Variants in AAK1 observed in about 807,000 individuals in gnomAD.
AAK1 encodes AP2-associated protein kinase 1.
AAK1 carries 37 observed loss-of-function variants against 116.0 expected under a neutral mutation model. The ratio of observed to expected loss-of-function variants is 0.32; its 90% CI spans 0.25 to 0.42. The LOEUF is 0.42. Ranked by LOEUF, AAK1 falls within the 10% of genes least tolerant of loss-of-function variation. AAK1 has a pLI of 1.00. For synonymous variants in AAK1, 458 were observed against 439.9 expected (o/e 1.04, Z -0.51); for missense variants, 919 against 1,170.6 (o/e 0.79, Z 3.14).
chr2:69,481,011 A>C, intron 18 of AAK1, 50 bp from the exon 19 acceptor site: 4 of 1,414,156 alleles, frequency 2.8e-6, no homozygotes, highest in Non-Finnish European at 3.8e-6. Flanking sequence ...AAAGGGAGTC[A>C]GAAGTTTCTT....
chr2:69,535,800 A>T (rs79519640), intron 5 of AAK1, among the ~76,000 whole-genome samples: 116 of 152,304 alleles, frequency 7.6e-4, no homozygotes, highest in African/African-American at 2.7e-3. Flanking sequence ...GAAAGCTGAA[A>T]ACATGGGAAA....
chr2:69,491,520 C>T (rs1432820016), intron 17 of AAK1, among the ~76,000 whole-genome samples: 1 of 152,162 alleles, frequency 6.6e-6, no homozygotes, highest in Admixed American at 6.5e-5. Flanking sequence ...TTATCCAGTG[C>T]CCTTTACCCA....
intron 14 of AAK1, among the ~76,000 whole-genome samples, 189 bp from the exon 15 acceptor site, chr2:69,507,767 C>A (rs139345198): frequency 2.7e-4 from 41 of 150,272 alleles, no homozygotes; most frequent in Non-Finnish European, 4.9e-4. Context: ...AGCACAATGG[C>A]GTGATCTCGA....
In AAK1 at chr2:69,469,752, G is replaced by T; in HGVS notation, c.*6117C>A. 6.1e-6 allele frequency: 6 copies of T among 985,310 alleles called. No homozygotes were observed. Among genetic ancestry groups the T allele is most frequent in the Non-Finnish European group, 7.2e-6 (6 of 829,914 alleles). The allele number at this position is 985,310 out of a possible 1,614,324, so 61.0% of individuals were successfully genotyped here. On this transcript the variant is annotated 3_prime_UTR_variant, in exon 22 of 22. Transcript: ENST00000409085. ...CTGGATCATGCCTCTTTTTATTTTG[G>T]TTTCACACATAAAATTAAGCAAGAA...
Position 69,509,216 on chromosome 2 carries a change from GGAAGCACCACA to G in AAK1, c.2006+4_2006+14del. 1 of 1,612,110 alleles carries G rather than the reference GGAAGCACCACA, an allele frequency of 6.2e-7. No individual in the cohort carries two copies. Among genetic ancestry groups the G allele is most frequent in the Non-Finnish European group, 8.5e-7 (1 of 1,178,250 alleles). Reference sequence around the variant, plus strand: ...CCCACAGAGGTAAGAACAACAAAGAGGAAGCACCACATACTTGGACTTATTGAGACTGGCCT... The same window carrying G: ...CCCACAGAGGTAAGAACAACAAAGAGTACTTGGACTTATTGAGACTGGCCT... On this transcript the variant is annotated splice_donor_5th_base_variant and intron_variant, in intron 14 of 21. Transcript: ENST00000409085.
chr2:69,508,208 A>G (rs772376966), intron 14 of AAK1, among the ~76,000 whole-genome samples: 9 of 152,200 alleles, frequency 5.9e-5, no homozygotes, highest in Non-Finnish European at 1.3e-4. Context: ...AGACTTGTGT[A>G]TCTTGTGGTG....
chr2:69,629,064 G>A (rs1175136730), intron 2 of AAK1, among the ~76,000 whole-genome samples: 5 of 152,074 alleles, frequency 3.3e-5, no homozygotes, highest in African/African-American at 9.7e-5. Flanking sequence ...TCCACACTCC[G>A]ACCTCTTAAG....
chr2:69,473,388 C>T lies in AAK1; in HGVS notation c.*2481G>A, dbSNP rs1674745016. ...AAACTCTTTCAGCTCAGGGATGATG[C>T]TCTAAACCAAGGAAGGCTCCGTTTA... is the stretch of plus-strand genomic sequence containing the variant. On this transcript the variant is annotated 3_prime_UTR_variant, in exon 22 of 22. Transcript: ENST00000409085. 1.0e-6 allele frequency: 1 copy of T among 985,376 alleles called. No individual in the cohort carries two copies. The highest frequency in any genetic ancestry group is 1.7e-5 in the African/African-American group (1 of 57,250). 61.0% of individuals were successfully genotyped at this position (985,376 alleles called of 1,614,324 possible).
intron 2 of AAK1, among the ~76,000 whole-genome samples, chr2:69,613,646 A>T (rs886876233): frequency 7.2e-5 from 11 of 152,212 alleles, no homozygotes; most frequent in Non-Finnish European, 1.6e-4. Context: ...AAAACCCTAA[A>T]TAAAGGGGTT....
chr2:69,470,731 C>T lies in AAK1; in HGVS notation c.*5138G>A. On this transcript the variant is annotated 3_prime_UTR_variant, in exon 22 of 22. Coordinates refer to ENST00000409085, the MANE Select transcript of AAK1 (RefSeq NM_014911.5). ...CGTCTTATTCTCCTTGAGACTAAAA[C>T]AGGGGTTTTACTCTCTCAGGTAGCC... The T allele has an allele frequency of 1.1e-5, 11 of 985,588 alleles. No individual in the cohort carries two copies. Among genetic ancestry groups the T allele is most frequent in the Non-Finnish European group, 1.2e-5 (10 of 829,928 alleles). 61.1% of individuals were successfully genotyped at this position (985,588 alleles called of 1,614,324 possible).
intron 16 of AAK1, among the ~76,000 whole-genome samples, chr2:69,502,563 G>A (rs910096750): frequency 1.3e-5 from 2 of 152,194 alleles, no homozygotes; most frequent in African/African-American, 4.8e-5. Flanking sequence ...AGAGGTTGCG[G>A]TGAGCCAAGA....
chr2:69,549,440 C>G (rs1310858876), intron 3 of AAK1, among the ~76,000 whole-genome samples: 1 of 152,146 alleles, frequency 6.6e-6, no homozygotes, highest in Non-Finnish European at 1.5e-5. Flanking sequence ...GTGTTCTTTT[C>G]TCCATGTGAA....
chr2:69,466,406 C>G lies in AAK1; in HGVS notation c.*9463G>C. On this transcript the variant is annotated 3_prime_UTR_variant, in exon 22 of 22. Transcript: ENST00000409085. ...TGTTGCTTGAAGGGCCATCTCTGGCCAAGTAGTCAGATTCTAAGTTGTTCT... is the reference window on the plus strand; with the variant it reads ...TGTTGCTTGAAGGGCCATCTCTGGCGAAGTAGTCAGATTCTAAGTTGTTCT... 3 of 1,289,808 alleles carry G rather than the reference C, an allele frequency of 2.3e-6. No individual in the cohort carries two copies. The highest frequency in any genetic ancestry group is 3.0e-6 in the Non-Finnish European group (3 of 988,860). 79.9% of individuals were successfully genotyped at this position (1,289,808 alleles called of 1,614,324 possible).
At chr2:69,563,051 G>A (rs975345045) in intron 2 of AAK1, among the ~76,000 whole-genome samples, 3 of 152,172 alleles carry the variant, frequency 2.0e-5, no homozygotes, top group African/African-American at 7.2e-5. Flanking sequence ...GCAACAGAGC[G>A]AGACCCTCCC....
chr2:69,552,549 T>C (rs1180547931), intron 3 of AAK1, among the ~76,000 whole-genome samples: 3 of 151,730 alleles, frequency 2.0e-5, no homozygotes, highest in African/African-American at 7.3e-5. Context: ...CCATCTCTAC[T>C]AAAAATACAA....
At chr2:69,490,681 T>C (rs1675486795) in intron 17 of AAK1, among the ~76,000 whole-genome samples, 1 of 151,992 alleles carries the variant, frequency 6.6e-6, no homozygotes, top group Non-Finnish European at 1.5e-5. Context: ...AGAGTTGTTG[T>C]TTAATGGGTA....
chr2:69,554,749 G>A (rs556172848), intron 3 of AAK1, among the ~76,000 whole-genome samples: 10 of 152,346 alleles, frequency 6.6e-5, no homozygotes, highest in Admixed American at 6.5e-4. Context: ...TAATGGCATA[G>A]GAGTTCCCCT....
chr2:69,561,867 T>C (rs898090204), intron 2 of AAK1, among the ~76,000 whole-genome samples: 2 of 152,248 alleles, frequency 1.3e-5, no homozygotes, highest in Non-Finnish European at 1.5e-5. Context: ...TCTGGCTTCT[T>C]TCACGCAGCA....
intron 2 of AAK1, among the ~76,000 whole-genome samples, chr2:69,621,407 C>T (rs977838596): frequency 2.3e-4 from 35 of 151,910 alleles, no homozygotes; most frequent in African/African-American, 6.5e-4. Flanking sequence ...TGAAAAAAGG[C>T]GACAGAGGTT....
Sources: allele counts gnomAD v4.1 joint callset (sites outside exome capture counted in the v4.1 genomes callset), GRCh38; gene constraint gnomAD v4.1.1; transcripts MANE v1.5; gene names NCBI Gene and HGNC (gene_info 2026-07-23, HGNC 2026-07-21).